Variants in FCHSD2 observed in about 807,000 individuals in gnomAD.
FCHSD2 encodes F-BAR and double SH3 domains protein 2.
In FCHSD2, 38 loss-of-function variants were observed where a neutral mutation model predicts 108.1. That is an observed-to-expected ratio of 0.35 (90% CI 0.27 to 0.46). The LOEUF (loss-of-function observed/expected upper bound fraction) is 0.46. Ranked by LOEUF, FCHSD2 falls within the 20% of genes least tolerant of loss-of-function variation. The probability of loss-of-function intolerance (pLI) is 1.00; values close to 1 mark genes in which losing one functional copy is unlikely to be tolerated. For missense variants in FCHSD2, 751 were observed against 897.8 expected (o/e 0.84, Z 2.09); for synonymous variants, 279 against 314.7 (o/e 0.89, Z 1.20).
At chr11:73,097,138 A>G (rs1860106206) in intron 2 of FCHSD2, among the ~76,000 whole-genome samples, 1 of 150,632 alleles carries the variant, frequency 6.6e-6, no homozygotes, top group South Asian at 2.1e-4. Context: ...AAATAGCTAG[A>G]ACTACAGGTA....
intron 12 of FCHSD2, among the ~76,000 whole-genome samples, chr11:72,882,577 TGATA>T (rs1460785852): frequency 3.3e-5 from 5 of 152,188 alleles, no homozygotes; most frequent in South Asian, 4.1e-4. Context: ...ATGTCTGAGG[TGATA>T]GATATCTTAA....
At chr11:72,843,614 A>T in intron 14 of FCHSD2, 82 bp from the exon 15 acceptor site, 1 of 858,570 alleles carries the variant, frequency 1.2e-6, no homozygotes, top group South Asian at 1.5e-5. Context: ...AAAACTGGGG[A>T]TCAAAATATT....
chr11:72,846,043 T>TA (rs1211386330), intron 14 of FCHSD2, among the ~76,000 whole-genome samples: 1 of 146,848 alleles, frequency 6.8e-6, no homozygotes, highest in African/African-American at 2.6e-5. Context: ...TTGAAGGGAT[T>TA]ACAAATAAAT....
chr11:72,945,293 T>C (rs1322057030), intron 8 of FCHSD2, among the ~76,000 whole-genome samples: 8 of 152,160 alleles, frequency 5.3e-5, no homozygotes, highest in Admixed American at 5.2e-4. Context: ...AAACAAGAAA[T>C]GGGGAAACGA....
At chr11:73,031,001 G>A (rs551956828) in intron 3 of FCHSD2, among the ~76,000 whole-genome samples, 173 of 151,714 alleles carry the variant, frequency 1.1e-3, no homozygotes, top group African/African-American at 3.9e-3. Flanking sequence ...ACACATTGAC[G>A]CACACCTCCA....
At chr11:73,036,163 G>C (rs753837435) in intron 3 of FCHSD2, among the ~76,000 whole-genome samples, 1 of 152,128 alleles carries the variant, frequency 6.6e-6, no homozygotes, top group African/African-American at 2.4e-5. Context: ...ATTAGAACAT[G>C]GGTCATTTGA....
At chr11:72,933,173 A>G (rs1056288024) in intron 8 of FCHSD2, among the ~76,000 whole-genome samples, 1 of 152,068 alleles carries the variant, frequency 6.6e-6, no homozygotes, top group Non-Finnish European at 1.5e-5. Context: ...AGAACCTCAA[A>G]CCACTGTCCT....
intron 2 of FCHSD2, among the ~76,000 whole-genome samples, chr11:73,109,003 A>G (rs2135542912): frequency 6.6e-6 from 1 of 152,256 alleles, no homozygotes; most frequent in South Asian, 2.1e-4. Flanking sequence ...CCTTTCCTCA[A>G]TGTATGTTCT....
chr11:73,011,604 C>T (rs892975609), intron 4 of FCHSD2, among the ~76,000 whole-genome samples: 1 of 152,106 alleles, frequency 6.6e-6, no homozygotes, highest in African/African-American at 2.4e-5. Flanking sequence ...GTTCTCAGAG[C>T]GTGTGTGGGA....
rs1416075020 is a variant in FCHSD2, at chr11:73,039,837, CAATT to C, written c.166-23956_166-23953del. Reference sequence around the variant, plus strand: ...AAAACAGACTGCTAGAAAAAGACAACAATTAATTTATAATTTATAGAATAACGAA... The same window carrying C: ...AAAACAGACTGCTAGAAAAAGACAACAATTTATAATTTATAGAATAACGAA... On this transcript the variant is annotated intron_variant, in intron 3 of 19. Transcript: ENST00000409418. Among the ~76,000 whole-genome samples the C allele has an allele frequency of 7.2e-5, 11 of 152,162 alleles. No individual in the cohort carries two copies. In the East Asian group the frequency reaches 1.2e-3, roughly 16 times the overall value.
At chr11:72,974,109 T>C (rs1303512721) in intron 8 of FCHSD2, among the ~76,000 whole-genome samples, 3 of 149,742 alleles carry the variant, frequency 2.0e-5, no homozygotes, top group African/African-American at 4.9e-5. Context: ...TTTGGTCCAT[T>C]TTCTGTTGCT....
At chr11:73,080,719 G>A (rs1052185187) in intron 3 of FCHSD2, among the ~76,000 whole-genome samples, 2 of 152,146 alleles carry the variant, frequency 1.3e-5, no homozygotes, top group South Asian at 2.1e-4. Flanking sequence ...TGAGGTGGGC[G>A]GATGATCTGA....
intron 8 of FCHSD2, among the ~76,000 whole-genome samples, chr11:72,963,591 G>C (rs1245319061): frequency 3.3e-5 from 5 of 152,182 alleles, no homozygotes; most frequent in Admixed American, 1.3e-4. Flanking sequence ...CGGCACCAGG[G>C]ACCAGTTTCG....
At chr11:72,917,205 G>C (rs143837769) in intron 9 of FCHSD2, among the ~76,000 whole-genome samples, 3,046 of 152,174 alleles carry the variant, frequency 0.02, 85 homozygotes, top group African/African-American at 0.07. Flanking sequence ...GGCTGGTCTT[G>C]AACTCCTGAT....
intron 2 of FCHSD2, among the ~76,000 whole-genome samples, chr11:73,135,431 C>A (rs1861100349): frequency 6.6e-6 from 1 of 152,178 alleles, no homozygotes; most frequent in Non-Finnish European, 1.5e-5. Flanking sequence ...AAACTGTCCT[C>A]TAAGAAGGTA....
At position 72,924,484 on chromosome 11, in the gene FCHSD2, G is replaced by A. The variant is rs528969720; in HGVS notation, c.706-2534C>T. ...TTTTCAGTAGAGACGGGGTTTCACC[G>A]TGTTAGCCAGGATGGTCTCGATCTC... On this transcript the variant is annotated intron_variant, in intron 8 of 19. Transcript: ENST00000409418. Among the ~76,000 whole-genome samples the A allele has an allele frequency of 1.6e-4, 23 of 147,022 alleles. 1 individual carries two copies. Among genetic ancestry groups the A allele is most frequent in the East Asian group, 4.1e-4 (2 of 4,922 alleles).
chr11:72,943,544 G>T (rs1264768598), intron 8 of FCHSD2, among the ~76,000 whole-genome samples: 2 of 152,318 alleles, frequency 1.3e-5, no homozygotes, highest in South Asian at 4.1e-4. Context: ...TAATGAAAGG[G>T]AAGGAAATTG....
chr11:73,071,030 T>C (rs1016887213), intron 3 of FCHSD2, among the ~76,000 whole-genome samples: 2 of 152,160 alleles, frequency 1.3e-5, no homozygotes, highest in African/African-American at 4.8e-5. Flanking sequence ...ATTGGAAACA[T>C]TAAACAAAAT....
intron 13 of FCHSD2, among the ~76,000 whole-genome samples, chr11:72,854,894 T>C (rs1168857637): frequency 6.6e-6 from 1 of 152,072 alleles, no homozygotes; most frequent in East Asian, 1.9e-4. Context: ...TCCCAGCACT[T>C]TGGGAGGCCG....
Sources: allele counts gnomAD v4.1 joint callset (sites outside exome capture counted in the v4.1 genomes callset), GRCh38; gene constraint gnomAD v4.1.1; transcripts MANE v1.5; gene names NCBI Gene and HGNC (gene_info 2026-07-23, HGNC 2026-07-21).